NRCAM: variants seen among roughly 807,000 people sequenced by gnomAD.
The protein encoded by NRCAM is NgCAM-related cell adhesion molecule.
Under a neutral mutation model 156.5 loss-of-function variants are expected in NRCAM, and 83 were observed. The observed-to-expected ratio is 0.53, with a 90% CI of 0.44 to 0.64. The LOEUF is 0.64. Among genes scored for constraint, NRCAM ranks in the 30% least tolerant of loss-of-function variants. The pLI is 0.00. For synonymous variants in NRCAM, 538 were observed against 563.9 expected, an observed-to-expected ratio of 0.95 and a Z score of 0.65; for missense variants, 1,417 against 1,597.3, an observed-to-expected ratio of 0.89 and a Z score of 1.92.
Position 108,240,045 on chromosome 7 carries a change from G to A in NRCAM, c.20C>T (p.Pro7Leu), listed in dbSNP as rs368773637. 30 of 1,612,572 alleles carry A rather than the reference G, an allele frequency of 1.9e-5. No homozygotes were observed. The highest frequency in any genetic ancestry group is 2.5e-5 in the Non-Finnish European group (29 of 1,179,026). Residue 7 changes from proline to leucine, a missense_variant, in exon 4 of 33, where the codon CCG becomes CTG. Pro to Leu is a moderately conservative substitution (Grantham distance 98, BLOSUM62 -3). Coordinates refer to ENST00000379028, the MANE Select transcript of NRCAM (RefSeq NM_001037132.4). ...GCCCGCAGATAAGCGCTTCTTTTTC[G>A]GCATTATTTTAAGCTGCATTAGCTT... MQLKIM[P>L]KKKRLSAGRV...
At chr7:108,211,427 A>G (rs968634424) in intron 11 of NRCAM, among the ~76,000 whole-genome samples, 4 of 152,212 alleles carry the variant, frequency 2.6e-5, no homozygotes, top group African/African-American at 9.6e-5. Context: ...TGCAGACTCC[A>G]TAGGCTGGGG....
intron 3 of NRCAM, among the ~76,000 whole-genome samples, chr7:108,292,537 A>C (rs894810661): frequency 6.6e-6 from 1 of 152,164 alleles, no homozygotes; most frequent in African/African-American, 2.4e-5. Context: ...TAAGTAAAAA[A>C]TCATCAAACC....
At chr7:108,252,452 A>G (rs1214162716) in intron 3 of NRCAM, among the ~76,000 whole-genome samples, 3 of 152,248 alleles carry the variant, frequency 2.0e-5, no homozygotes, top group African/African-American at 7.2e-5. Flanking sequence ...CTCCTCTCAC[A>G]AGCCTTGCAG....
chr7:108,379,193 G>A (rs1297165171), intron 2 of NRCAM, among the ~76,000 whole-genome samples: 3 of 152,036 alleles, frequency 2.0e-5, no homozygotes, highest in Admixed American at 1.3e-4. Flanking sequence ...CCCAAGAACT[G>A]CAGATAATAT....
At chr7:108,427,089 T>C (rs1818275193) in intron 1 of NRCAM, among the ~76,000 whole-genome samples, 1 of 152,162 alleles carries the variant, frequency 6.6e-6, no homozygotes, top group Non-Finnish European at 1.5e-5. Context: ...ATGCCTTTCC[T>C]CTAGAATGCC....
chr7:108,192,623 A>G (rs1018989985), intron 17 of NRCAM, among the ~76,000 whole-genome samples: 2 of 152,162 alleles, frequency 1.3e-5, no homozygotes, highest in Non-Finnish European at 2.9e-5. Context: ...TTCCAGCATT[A>G]GCCTTACTAA....
At chr7:108,311,418 A>G (rs1484545724) in intron 3 of NRCAM, among the ~76,000 whole-genome samples, 1 of 152,222 alleles carries the variant, frequency 6.6e-6, no homozygotes, top group Non-Finnish European at 1.5e-5. Flanking sequence ...TAAAAACTAT[A>G]TAAAATAGGT....
chr7:108,336,997 G>A (rs1357334405), intron 2 of NRCAM, among the ~76,000 whole-genome samples: 1 of 152,130 alleles, frequency 6.6e-6, no homozygotes, highest in Non-Finnish European at 1.5e-5. Flanking sequence ...TGGCATGGTG[G>A]TTTATGCCTG....
intron 2 of NRCAM, among the ~76,000 whole-genome samples, chr7:108,383,138 TCACACACA>T (rs1554584665): frequency 8.8e-6 from 1 of 113,644 alleles, no homozygotes; most frequent in African/African-American, 3.6e-5. Flanking sequence ...ACACACGCTC[TCACACACA>T]CACACACACC....
In NRCAM at chr7:108,182,613, A is replaced by T. The variant is rs540049343; in HGVS notation, c.2530+82T>A. The T allele has an allele frequency of 7.9e-6, 10 of 1,264,124 alleles. No homozygotes were observed. The East Asian group carries it at 2.4e-4, about 30-fold the overall frequency. 78.3% of individuals were successfully genotyped at this position (1,264,124 alleles called of 1,614,324 possible). A position where few individuals can be genotyped will look rare whatever the true frequency, so the allele number is the denominator to read the frequency against. ...ATAATTGCCACCTCCCTCCCTTGCA[A>T]CCTGAGCAAGGAGAAATGGCCTTGG... On this transcript the variant is annotated intron_variant, in intron 23 of 32. Coordinates refer to ENST00000379028, the MANE Select transcript of NRCAM (RefSeq NM_001037132.4).
chr7:108,332,068 A>G (rs1184065324), intron 2 of NRCAM, among the ~76,000 whole-genome samples: 1 of 152,176 alleles, frequency 6.6e-6, no homozygotes. Flanking sequence ...GGCATCAAAG[A>G]GTGTGTTTCT....
chr7:108,360,791 T>C (rs548316587), intron 2 of NRCAM, among the ~76,000 whole-genome samples: 1 of 152,226 alleles, frequency 6.6e-6, no homozygotes, highest in African/African-American at 2.4e-5. Flanking sequence ...GAAACCTGCA[T>C]TGCAAAAGAA....
chr7:108,403,081 T>C (rs2108252), intron 1 of NRCAM, among the ~76,000 whole-genome samples: 38,108 of 151,958 alleles, frequency 0.25, 5,009 homozygotes, highest in Non-Finnish European at 0.28. Flanking sequence ...GTTGCTGTTT[T>C]CTTTGGCCCA....
chr7:108,385,645 A>G (rs1229056563), intron 2 of NRCAM, among the ~76,000 whole-genome samples: 1 of 152,208 alleles, frequency 6.6e-6, no homozygotes, highest in African/African-American at 2.4e-5. Flanking sequence ...TCAGTAGATT[A>G]GTTCAATAAT....
chr7:108,379,707 T>C (rs1026266823), intron 2 of NRCAM, among the ~76,000 whole-genome samples: 3 of 152,158 alleles, frequency 2.0e-5, no homozygotes, highest in Admixed American at 1.3e-4. Flanking sequence ...ATGAAACTTC[T>C]GAAAATAAAA....
At chr7:108,387,062 A>G (rs1287333753) in intron 2 of NRCAM, among the ~76,000 whole-genome samples, 1 of 152,136 alleles carries the variant, frequency 6.6e-6, no homozygotes, top group East Asian at 1.9e-4. Context: ...TCCTCTGAAC[A>G]TGGGCAAAAA....
At chr7:108,353,971 A>G (rs1013094397) in intron 2 of NRCAM, among the ~76,000 whole-genome samples, 4 of 152,214 alleles carry the variant, frequency 2.6e-5, no homozygotes, top group East Asian at 1.9e-4. Context: ...TTGGTCGTTT[A>G]ATGTTTTAAA....
At chr7:108,288,517 A>C (rs74599848) in intron 3 of NRCAM, among the ~76,000 whole-genome samples, 5,814 of 152,230 alleles carry the variant, frequency 0.038, 356 homozygotes, top group African/African-American at 0.13. Context: ...TATGCCAATT[A>C]GTTTAGATTT....
chr7:108,270,453 T>G (rs2097301718), intron 3 of NRCAM, among the ~76,000 whole-genome samples: 1 of 152,220 alleles, frequency 6.6e-6, no homozygotes, highest in Non-Finnish European at 1.5e-5. Flanking sequence ...AAAAGGGCTA[T>G]TTATGCTGAA....
Sources: gnomAD v4.1 joint callset for allele counts (sites outside exome capture counted in the v4.1 genomes callset) on GRCh38, gnomAD v4.1.1 for gene constraint, MANE v1.5 for transcripts, NCBI Gene and HGNC (gene_info 2026-07-23, HGNC 2026-07-21) for gene names.